Variants in SLC43A2 observed in about 807,000 individuals in gnomAD.
The protein encoded by SLC43A2 is solute carrier family 43 member 2.
In SLC43A2, 38 loss-of-function variants were observed where a neutral mutation model predicts 63.2. That is an observed-to-expected ratio of 0.60 (90% confidence interval 0.46 to 0.79). The LOEUF (loss-of-function observed/expected upper bound fraction) is 0.79, where lower values mean the gene tolerates loss of function less well. Among genes scored for constraint, SLC43A2 ranks in the 30% least tolerant of loss-of-function variants. The pLI is 0.00. For synonymous variants in SLC43A2, 322 were observed against 331.0 expected, an observed-to-expected ratio of 0.97 and a Z score of 0.30; for missense variants, 644 against 756.2, an observed-to-expected ratio of 0.85 and a Z score of 1.74.
chr17:1,578,459 C>A lies in SLC43A2; in HGVS notation c.1351-136G>T. The A allele has an allele frequency of 1.4e-6, 1 of 718,044 alleles. No individual in the cohort carries two copies. Among genetic ancestry groups the A allele is most frequent in the Non-Finnish European group, 2.2e-6 (1 of 452,138 alleles). The allele number at this position is 718,044 out of a possible 1,614,324, so 44.5% of individuals were successfully genotyped here. The stretch of plus-strand genomic sequence containing the variant: ...TTGGATCAACCCCATCCTCCGGAGC[C>A]AATTGTGAATTTTCAGAAATTTTGC... On this transcript the variant is annotated intron_variant, in intron 11 of 13. Transcript: ENST00000301335. The surrounding 1 kb of genome is among the most constrained non-coding windows in gnomAD (Gnocchi z 6.5).
chr17:1,623,880 GGGTGTA>G (rs1355974143), intron 2 of SLC43A2, among the ~76,000 whole-genome samples: 9 of 151,766 alleles, frequency 5.9e-5, no homozygotes, highest in African/African-American at 9.7e-5. Flanking sequence ...CTCTCCTCCA[GGGTGTA>G]CCCTCCTCTC....
intron 2 of SLC43A2, among the ~76,000 whole-genome samples, chr17:1,617,102 T>A (rs554554653): frequency 2.2e-4 from 33 of 151,920 alleles, no homozygotes; most frequent in Non-Finnish European, 3.8e-4. Context: ...AGGCTGAGAG[T>A]CCCATTCGAG....
intron 2 of SLC43A2, among the ~76,000 whole-genome samples, chr17:1,621,266 A>AG (rs368894263): frequency 4.6e-5 from 7 of 152,054 alleles, no homozygotes; most frequent in African/African-American, 1.7e-4. Flanking sequence ...AGACAAAGGG[A>AG]GGGGGGCCTC....
rs572109225 is a variant in SLC43A2, at chr17:1,594,618, C to T, written c.502-1339G>A. Reference sequence around the variant, plus strand: ...TTTTTTTTTTTTTGAGACGGAGTCTCGCTCTTTCGCCCAGGCTGTACTGCA... The same window carrying T: ...TTTTTTTTTTTTTGAGACGGAGTCTTGCTCTTTCGCCCAGGCTGTACTGCA... On this transcript the variant is annotated intron_variant, in intron 5 of 13. Coordinates refer to ENST00000301335, the MANE Select transcript of SLC43A2 (RefSeq NM_152346.3). 1.7e-4 allele frequency among the ~76,000 whole-genome samples: 23 copies of T among 133,460 alleles called. 1 individual carries two copies. The highest frequency in any genetic ancestry group is 1.4e-3 in the East Asian group (6 of 4,158). The allele number at this position is 133,460 out of a possible 152,430, so 87.6% of individuals were successfully genotyped here.
intron 2 of SLC43A2, among the ~76,000 whole-genome samples, chr17:1,617,454 G>A (rs1039014447): frequency 6.6e-5 from 10 of 151,848 alleles, no homozygotes; most frequent in African/African-American, 2.2e-4. Context: ...GCAGTAGCAC[G>A]ATCTCGGCTC....
At chr17:1,586,928 T>TGGGGCCCC in intron 9 of SLC43A2, 6 of 1,232,902 alleles carry the variant, frequency 4.9e-6, no homozygotes, top group Non-Finnish European at 6.7e-6. Flanking sequence ...TCCCTGACAA[T>TGGGGCCCC]CCCCCCCACC....
At chr17:1,586,374 T>C (rs11652194) in intron 9 of SLC43A2, among the ~76,000 whole-genome samples, 24,078 of 152,126 alleles carry the variant, frequency 0.16, 2,093 homozygotes, top group East Asian at 0.3. Context: ...GGAGGCTAAG[T>C]GACGGGCCGT....
rs972572017 is a variant in SLC43A2 at position 1,571,992 on chromosome 17, G to C, written c.*3612C>G. On this transcript the variant is annotated 3_prime_UTR_variant, in exon 14 of 14. Coordinates refer to ENST00000301335, the MANE Select transcript of SLC43A2 (RefSeq NM_152346.3). The surrounding 1 kb of genome is among the most constrained non-coding windows in gnomAD (Gnocchi z 5.2). ...GCCCTTCCTGCTCCTTCCCGCCAGA[G>C]CCTGGAGGATGAGGGGCAGACGGGA... is the stretch of plus-strand genomic sequence containing the variant. The C allele has an allele frequency of 1.3e-5, 2 of 152,260 alleles. No individual in the cohort carries two copies. Among genetic ancestry groups the C allele is most frequent in the African/African-American group, 4.8e-5 (2 of 41,332 alleles). The allele number at this position is 152,260 out of a possible 1,614,324, so 9.4% of individuals were successfully genotyped here.
At position 1,616,553 on chromosome 17, in the gene SLC43A2, C is replaced by G; in HGVS notation, c.368+9G>C. On this transcript the variant is annotated intron_variant, in intron 3 of 13. Coordinates refer to ENST00000301335, the MANE Select transcript of SLC43A2 (RefSeq NM_152346.3). ...CCCACTCCCTGCCCCCTAAGGGACC[C>G]ACACTGACCTGCCCAGCAGCCTGAG... The G allele has an allele frequency of 6.2e-7, 1 of 1,605,140 alleles. No individual in the cohort carries two copies. The highest frequency in any genetic ancestry group is 2.3e-5 in the East Asian group (1 of 44,440).
chr17:1,628,728 C>G (rs572186500), intron 1 of SLC43A2, 66 bp downstream of exon 1: 1 of 152,488 alleles, frequency 6.6e-6, no homozygotes, highest in East Asian at 1.9e-4. Flanking sequence ...CCCTACGCCC[C>G]TTCGGCGGCC....
rs200180233 is a variant in SLC43A2, at chr17:1,595,292, AAGAG to A, written c.502-2017_502-2014del. Among the ~76,000 whole-genome samples the A allele has an allele frequency of 4.0e-5, 6 of 150,072 alleles. No homozygotes were observed. The South Asian group carries it at 1.2e-3, about 31-fold the overall frequency. ...CGAGACTCTGTGTCAAAAAAAAAAA[AAGAG>A]AGAGAGAGACAGGGTCTCATTCTGT... On this transcript the variant is annotated intron_variant, in intron 5 of 13. Coordinates refer to ENST00000301335, the MANE Select transcript of SLC43A2 (RefSeq NM_152346.3).
intron 2 of SLC43A2, among the ~76,000 whole-genome samples, chr17:1,618,978 C>G (rs1357167515): frequency 6.6e-6 from 1 of 151,754 alleles, no homozygotes; most frequent in Non-Finnish European, 1.5e-5. Context: ...TAGTTAGACT[C>G]TGTCTCAAAA....
chr17:1,628,538 C>T (rs887002163), intron 1 of SLC43A2, among the ~76,000 whole-genome samples: 1 of 152,096 alleles, frequency 6.6e-6, no homozygotes, highest in African/African-American at 2.4e-5. Context: ...GACGAGGAGC[C>T]GGTTCAAACC....
chr17:1,617,198 T>A (rs1176725950), intron 2 of SLC43A2, among the ~76,000 whole-genome samples: 1 of 152,148 alleles, frequency 6.6e-6, no homozygotes, highest in Non-Finnish European at 1.5e-5. Flanking sequence ...TCACGGCAGC[T>A]ATGTCCGTGG....
At chr17:1,600,257 TCTC>T (rs1168470010) in intron 5 of SLC43A2, among the ~76,000 whole-genome samples, 1 of 143,006 alleles carries the variant, frequency 7.0e-6, no homozygotes, top group Non-Finnish European at 1.5e-5. Context: ...TCCAAGCAAT[TCTC>T]CTGCCTCAGC....
At chr17:1,624,425 G>A (rs117433320) in intron 2 of SLC43A2, among the ~76,000 whole-genome samples, 18,165 of 150,970 alleles carry the variant, frequency 0.12, 1,484 homozygotes, top group Non-Finnish European at 0.18. Flanking sequence ...AAATTTGACC[G>A]GGCGTGGTGG....
chr17:1,576,564 G>A (rs750782836), intron 13 of SLC43A2, 33 bp downstream of exon 13: 30 of 1,579,132 alleles, frequency 1.9e-5, no homozygotes, highest in Middle Eastern at 1.7e-4. Context: ...GGGGGCAGGC[G>A]CCCATGACCC....
chr17:1,576,474 C>A lies in SLC43A2; in HGVS notation c.1548+123G>T, dbSNP rs2075932333. On this transcript the variant is annotated intron_variant, in intron 13 of 13. Coordinates refer to ENST00000301335, the MANE Select transcript of SLC43A2 (RefSeq NM_152346.3). ...CCACCATTCACAAAGGGACTCTTAA[C>A]CAATCCTAACCAACGCTCCCACATG... 12 of 1,119,952 alleles carry A rather than the reference C, an allele frequency of 1.1e-5. No homozygotes were observed. The South Asian group carries it at 1.8e-4, about 17-fold the overall frequency. 69.4% of individuals were successfully genotyped at this position (1,119,952 alleles called of 1,614,324 possible).
At chr17:1,612,865 G>A (rs1482710834) in intron 5 of SLC43A2, among the ~76,000 whole-genome samples, 1 of 152,132 alleles carries the variant, frequency 6.6e-6, no homozygotes, top group African/African-American at 2.4e-5. Context: ...CCAGCTACTC[G>A]GGAGGCTGAG....
Sources: allele counts gnomAD v4.1 joint callset (sites outside exome capture counted in the v4.1 genomes callset), GRCh38; gene constraint gnomAD v4.1.1; non-coding constraint Gnocchi (gnomAD v3.1); transcripts MANE v1.5; gene names NCBI Gene and HGNC (gene_info 2026-07-23, HGNC 2026-07-21).